The following POF1B variants were observed in gnomAD, a reference collection of about 807,000 sequenced individuals.
POF1B encodes the protein protein POF1B.
POF1B carries 53 observed loss-of-function variants against 55.3 expected under a neutral mutation model. The ratio of observed to expected loss-of-function variants is 0.96; its 90% CI spans 0.77 to 1.20. POF1B has a LOEUF of 1.20. POF1B is among the 50% of genes most tolerant of loss of function. The probability of loss-of-function intolerance (pLI) is 0.00; values close to 1 mark genes in which losing one functional copy is unlikely to be tolerated. For synonymous variants in POF1B, 188 were observed against 148.3 expected (o/e 1.27, Z -1.95); for missense variants, 478 against 420.5 (o/e 1.14, Z -1.20).
chrX:85,335,424 T>G (rs770348247), intron 6 of POF1B, among the ~76,000 whole-genome samples: 1 of 111,687 alleles, frequency 9.0e-6, no homozygotes, highest in Non-Finnish European at 1.9e-5. Context: ...GAACATTTAA[T>G]ATCTGTTAGA....
intron 6 of POF1B, among the ~76,000 whole-genome samples, chrX:85,345,262 C>T (rs1933247103): frequency 9.0e-6 from 1 of 110,708 alleles, no homozygotes; most frequent in Admixed American, 9.7e-5. Flanking sequence ...TTATAAGATT[C>T]CAAAATTTTC....
intron 9 of POF1B, among the ~76,000 whole-genome samples, chrX:85,308,678 T>A (rs1021289256): frequency 8.1e-5 from 9 of 111,506 alleles, no homozygotes; most frequent in African/African-American, 2.9e-4. Context: ...TGGTTTTTTT[T>A]GTTTTGTTTT....
At chrX:85,372,380 T>C (rs1933843249) in intron 2 of POF1B, among the ~76,000 whole-genome samples, 1 of 108,511 alleles carries the variant, frequency 9.2e-6, no homozygotes, top group African/African-American at 3.4e-5. Context: ...AGAATTTGGT[T>C]TATAATTATG....
chrX:85,341,030 A>T (rs1418828927), intron 6 of POF1B, among the ~76,000 whole-genome samples: 1 of 111,369 alleles, frequency 9.0e-6, no homozygotes, highest in Non-Finnish European at 1.9e-5. Context: ...ATTTACCAAA[A>T]ATAAATGGAG....
chrX:85,290,287 AT>A (rs201282858), intron 15 of POF1B, among the ~76,000 whole-genome samples: 14,282 of 107,771 alleles, frequency 0.13, 709 homozygotes, highest in South Asian at 0.18. Flanking sequence ...AAAAGACATG[AT>A]TTTTTTTTTA....
Position 85,360,728 on chromosome X carries a change from T to C in POF1B, c.358-1098A>G, listed in dbSNP as rs779840601. Among the ~76,000 whole-genome samples the C allele has an allele frequency of 2.8e-5, 3 of 107,931 alleles. No homozygotes were observed. The East Asian group carries it at 8.8e-4, about 32-fold the overall frequency. 93.7% of individuals were successfully genotyped at this position (107,931 alleles called of 115,157 possible). A position where few individuals can be genotyped will look rare whatever the true frequency, so the allele number is the denominator to read the frequency against. On this transcript the variant is annotated intron_variant, in intron 3 of 16. Coordinates refer to ENST00000262753, the MANE Select transcript of POF1B (RefSeq NM_024921.4). Reference sequence around the variant, plus strand: ...CCAGTAATGGGATTGCTGGGTTGTATACCCAGTAAGGGGATTGCTGGTAAA... The same window carrying C: ...CCAGTAATGGGATTGCTGGGTTGTACACCCAGTAAGGGGATTGCTGGTAAA...
At chrX:85,312,396 T>C (rs184769942) in intron 9 of POF1B, among the ~76,000 whole-genome samples, 121 of 111,990 alleles carry the variant, frequency 1.1e-3, no homozygotes, top group African/African-American at 3.8e-3. Context: ...AGCATATGGC[T>C]AGCCAGTTTT....
chrX:85,373,490 C>CA (rs1569300776), intron 2 of POF1B, among the ~76,000 whole-genome samples: 1 of 111,006 alleles, frequency 9.0e-6, no homozygotes, highest in Non-Finnish European at 1.9e-5. Context: ...TTGTGAAAAA[C>CA]AAAAAACCCA....
At chrX:85,328,208 A>G (rs1013771297) in intron 7 of POF1B, among the ~76,000 whole-genome samples, 1 of 105,916 alleles carries the variant, frequency 9.4e-6, no homozygotes, top group East Asian at 3.0e-4. Flanking sequence ...TTATTTATTT[A>G]TTTATTTATT....
At chrX:85,335,034 A>T (rs1168198623) in intron 6 of POF1B, among the ~76,000 whole-genome samples, 1 of 111,397 alleles carries the variant, frequency 9.0e-6, no homozygotes, top group African/African-American at 3.3e-5. Flanking sequence ...GTAGTCAAGG[A>T]ACAAATGACA....
intron 15 of POF1B, among the ~76,000 whole-genome samples, chrX:85,297,925 G>C (rs1051051143): frequency 1.8e-5 from 2 of 112,149 alleles, no homozygotes; most frequent in Non-Finnish European, 3.8e-5. Context: ...TTGAGACTGG[G>C]GGCTCCTCCC....
intron 2 of POF1B, among the ~76,000 whole-genome samples, chrX:85,371,088 G>C (rs897275376): frequency 2.1e-4 from 23 of 111,443 alleles, no homozygotes; most frequent in Non-Finnish European, 3.6e-4. Flanking sequence ...GGAGTCAGCA[G>C]ACCTGGATTT....
chrX:85,345,622 A>G lies in POF1B; in HGVS notation c.723+238T>C, dbSNP rs756591851. Reference sequence around the variant, plus strand: ...ACTGAAGATCAGCTACAAATTAGGTATTCATTAACCAGTTCATAACTAACC... The same window carrying G: ...ACTGAAGATCAGCTACAAATTAGGTGTTCATTAACCAGTTCATAACTAACC... On this transcript the variant is annotated intron_variant, in intron 6 of 16. Coordinates refer to ENST00000262753, the MANE Select transcript of POF1B (RefSeq NM_024921.4). Among the ~76,000 whole-genome samples, 29 of 111,434 alleles carry G rather than the reference A, an allele frequency of 2.6e-4. 1 individual carries two copies. In the Admixed American group the frequency reaches 2.7e-3, roughly 10 times the overall value.
intron 16 of POF1B, 63 bp downstream of exon 16, chrX:85,282,140 T>C (rs1931913924): frequency 2.9e-6 from 3 of 1,046,413 alleles, no homozygotes; most frequent in Non-Finnish European, 3.7e-6. Context: ...ATATTTTACC[T>C]CAATTTTAAA....
chrX:85,336,209 G>A (rs1326712394), intron 6 of POF1B, among the ~76,000 whole-genome samples: 1 of 111,004 alleles, frequency 9.0e-6, no homozygotes, highest in East Asian at 2.8e-4. Flanking sequence ...TGGCTGAATA[G>A]TACTTCATTG....
chrX:85,311,985 G>A (rs1932712734), intron 9 of POF1B, among the ~76,000 whole-genome samples: 1 of 112,074 alleles, frequency 8.9e-6, no homozygotes, highest in Non-Finnish European at 1.9e-5. Context: ...TTTGAGAAAT[G>A]TCTGTTCATA....
chrX:85,293,806 G>A lies in POF1B; in HGVS notation c.1649+9600C>T, dbSNP rs200259566. ...TGGCCAACATGGTGAAACCCTGTCT[G>A]TACTAAAAATACAAAAAATTAGCCG... On this transcript the variant is annotated intron_variant, in intron 15 of 16. Transcript: ENST00000262753. Among the ~76,000 whole-genome samples the A allele has an allele frequency of 7.2e-5, 8 of 110,493 alleles. No individual in the cohort carries two copies. In the East Asian group the frequency reaches 2.3e-3, roughly 32 times the overall value.
chrX:85,294,154 TC>T (rs1569279825), intron 15 of POF1B, among the ~76,000 whole-genome samples: 1 of 111,831 alleles, frequency 8.9e-6, no homozygotes, highest in Admixed American at 9.5e-5. Flanking sequence ...AAGTATAGAA[TC>T]CTATCAGCAA....
At chrX:85,310,789 C>T (rs372203330) in intron 9 of POF1B, among the ~76,000 whole-genome samples, 2 of 111,933 alleles carry the variant, frequency 1.8e-5, no homozygotes, top group East Asian at 5.6e-4. Flanking sequence ...CATTACCAGA[C>T]AAATCAGAGT....
Sources: allele counts gnomAD v4.1 joint callset (sites outside exome capture counted in the v4.1 genomes callset), GRCh38; gene constraint gnomAD v4.1.1; transcripts MANE v1.5; gene names NCBI Gene and HGNC (gene_info 2026-07-23, HGNC 2026-07-21).